Variants in BMPER observed in about 807,000 individuals in gnomAD.
The protein encoded by BMPER is BMP binding endothelial regulator.
A neutral mutation model predicts 87.3 loss-of-function variants in BMPER; 45 were observed. That is an observed-to-expected ratio of 0.52 (90% CI 0.41 to 0.66). The LOEUF (loss-of-function observed/expected upper bound fraction) is 0.66, where lower values mean the gene tolerates loss of function less well. Ranked by LOEUF, BMPER falls within the 30% of genes least tolerant of loss-of-function variation. The pLI, the probability that BMPER is intolerant of heterozygous loss-of-function variation, is 0.00. For missense variants in BMPER, 784 were observed against 867.5 expected (o/e 0.90, Z 1.21); for synonymous variants, 326 against 316.2 (o/e 1.03, Z -0.33).
chr7:34,045,686 TG>T (rs992038842), intron 6 of BMPER, among the ~76,000 whole-genome samples: 2 of 152,202 alleles, frequency 1.3e-5, no homozygotes, highest in Non-Finnish European at 2.9e-5. Flanking sequence ...CTTCTGAATA[TG>T]GGCTTTCAGT....
intron 13 of BMPER, among the ~76,000 whole-genome samples, chr7:34,124,449 G>GTT (rs34998655): frequency 8.4e-4 from 123 of 147,026 alleles, no homozygotes; most frequent in Middle Eastern, 3.6e-3. Context: ...GCATTGTAAA[G>GTT]TTTTTTTTTT....
intron 6 of BMPER, among the ~76,000 whole-genome samples, chr7:34,024,357 C>T (rs1198155499): frequency 2.1e-4 from 1 of 4,656 alleles, no homozygotes; most frequent in African/African-American, 1.2e-3. Context: ...AACTCTGTCT[C>T]AAAAAAAAAA....
chr7:33,994,125 C>A (rs1585716923), intron 6 of BMPER, among the ~76,000 whole-genome samples: 1 of 151,652 alleles, frequency 6.6e-6, no homozygotes, highest in Non-Finnish European at 1.5e-5. Context: ...AGGCAGGCCT[C>A]CTTGAGCTGT....
At chr7:33,936,256 C>T (rs371044412) in intron 2 of BMPER, among the ~76,000 whole-genome samples, 5 of 152,270 alleles carry the variant, frequency 3.3e-5, no homozygotes, top group African/African-American at 4.8e-5. Context: ...TGAGCAGAGC[C>T]GGCCAGTTGC....
chr7:34,069,579 A>G (rs535727885), intron 11 of BMPER, among the ~76,000 whole-genome samples: 1 of 152,300 alleles, frequency 6.6e-6, no homozygotes, highest in African/African-American at 2.4e-5. Flanking sequence ...ACACTGGCCT[A>G]CGAGACTCCA....
intron 2 of BMPER, among the ~76,000 whole-genome samples, chr7:33,934,750 G>C (rs7798795): frequency 0.33 from 50,541 of 152,090 alleles, 8,563 homozygotes; most frequent in African/African-American, 0.39. Flanking sequence ...TGAGAGCTTT[G>C]AACTCTCTGT....
At chr7:34,091,371 T>A (rs982839012) in intron 13 of BMPER, among the ~76,000 whole-genome samples, 10 of 152,248 alleles carry the variant, frequency 6.6e-5, no homozygotes, top group African/African-American at 2.4e-4. Flanking sequence ...TGTAATGACT[T>A]GTCAAGAACT....
At chr7:34,094,723 G>A (rs1385077413) in intron 13 of BMPER, among the ~76,000 whole-genome samples, 1 of 152,238 alleles carries the variant, frequency 6.6e-6, no homozygotes, top group Admixed American at 6.5e-5. Context: ...AAAAGGGGAT[G>A]CGGAGAGGAC....
chr7:34,120,395 T>A (rs1444480501), intron 13 of BMPER, among the ~76,000 whole-genome samples: 1 of 78,954 alleles, frequency 1.3e-5, no homozygotes, highest in Non-Finnish European at 2.8e-5. Flanking sequence ...GAGTCGTGTT[T>A]TTTTGTTTGT....
intron 8 of BMPER, among the ~76,000 whole-genome samples, chr7:34,054,947 G>A (rs554221652): frequency 9.9e-5 from 15 of 152,254 alleles, no homozygotes; most frequent in South Asian, 4.2e-4. Context: ...TAGGGGTTAC[G>A]TGCCATAGTT....
intron 6 of BMPER, among the ~76,000 whole-genome samples, chr7:33,994,179 C>G (rs1293206134): frequency 6.6e-6 from 1 of 152,228 alleles, no homozygotes; most frequent in Non-Finnish European, 1.5e-5. Flanking sequence ...CTTTGTTTAC[C>G]TAAGCAAGCC....
At chr7:33,905,436 T>TCCCCCCCC, upstream of BMPER, 1 of 20,336 alleles carries the variant, frequency 4.9e-5, no homozygotes, top group South Asian at 5.0e-4. Context: ...CACCTTGGTC[T>TCCCCCCCC]CTCCCCCCGC....
At chr7:34,107,149 A>G (rs1789840268) in intron 13 of BMPER, among the ~76,000 whole-genome samples, 1 of 152,196 alleles carries the variant, frequency 6.6e-6, no homozygotes, top group Non-Finnish European at 1.5e-5. Flanking sequence ...TGCCACAAGG[A>G]TGAGGACTAG....
In BMPER at chr7:33,963,989, G is replaced by T. The variant is rs535948502; in HGVS notation, c.320-2490G>T. Reference sequence around the variant, plus strand: ...AAGATATTGTCTGTTTACCCTATTAGCAGCATAAAGTTGGTGGCAAATAGA... The same window carrying T: ...AAGATATTGTCTGTTTACCCTATTATCAGCATAAAGTTGGTGGCAAATAGA... On this transcript the variant is annotated intron_variant, in intron 3 of 14. Coordinates refer to ENST00000649409, the MANE Select transcript of BMPER (RefSeq NM_001365308.1). Among the ~76,000 whole-genome samples the T allele has an allele frequency of 2.6e-5, 4 of 152,268 alleles. No homozygotes were observed. In the South Asian group the frequency reaches 6.2e-4, roughly 24 times the overall value.
At position 33,975,813 on chromosome 7, in the gene BMPER, C is replaced by T. The variant is rs1268075313; in HGVS notation, c.576+1029C>T. Among the ~76,000 whole-genome samples, 4 of 152,276 alleles carry T rather than the reference C, an allele frequency of 2.6e-5. No individual in the cohort carries two copies. The South Asian group carries it at 8.3e-4, about 32-fold the overall frequency. ...GATCATCATAAACCATAGCATTTGTCATTTCTCTACATGTCTTTTCGAAAA... is the reference window on the plus strand; with the variant it reads ...GATCATCATAAACCATAGCATTTGTTATTTCTCTACATGTCTTTTCGAAAA... On this transcript the variant is annotated intron_variant, in intron 6 of 14. Coordinates refer to ENST00000649409, the MANE Select transcript of BMPER (RefSeq NM_001365308.1).
At chr7:34,006,316 A>G (rs1020271838) in intron 6 of BMPER, among the ~76,000 whole-genome samples, 3 of 152,082 alleles carry the variant, frequency 2.0e-5, no homozygotes, top group African/African-American at 7.2e-5. Context: ...GAGTTCTTAA[A>G]TTCTGAGAGA....
intron 3 of BMPER, among the ~76,000 whole-genome samples, chr7:33,964,940 G>T (rs891111952): frequency 6.6e-6 from 1 of 152,020 alleles, no homozygotes; most frequent in Non-Finnish European, 1.5e-5. Context: ...TCCATCTCTC[G>T]GAACAAGTTA....
At chr7:34,024,960 C>T (rs1787316781) in intron 6 of BMPER, among the ~76,000 whole-genome samples, 1 of 151,966 alleles carries the variant, frequency 6.6e-6, no homozygotes, top group African/African-American at 2.4e-5. Context: ...GAGTTTTGCT[C>T]TTGATTCTTT....
At chr7:34,054,639 C>T (rs1788234820) in intron 8 of BMPER, among the ~76,000 whole-genome samples, 1 of 152,184 alleles carries the variant, frequency 6.6e-6, no homozygotes, top group Non-Finnish European at 1.5e-5. Context: ...AGTTTTGAAA[C>T]TGTTGGTTCA....
Sources: allele counts gnomAD v4.1 joint callset (sites outside exome capture counted in the v4.1 genomes callset), GRCh38; gene constraint gnomAD v4.1.1; transcripts MANE v1.5; gene names NCBI Gene and HGNC (gene_info 2026-07-23, HGNC 2026-07-21).